The following PRKN variants were observed in gnomAD, a reference collection of about 807,000 sequenced individuals.
PRKN encodes parkin RBR E3 ubiquitin protein ligase.
In PRKN, 56 loss-of-function variants were observed where a neutral mutation model predicts 59.5. That is an observed-to-expected ratio of 0.94 (90% CI 0.76 to 1.18). PRKN has a LOEUF of 1.18. PRKN is among the 50% of genes most tolerant of loss of function. PRKN has a pLI of 0.00. For missense variants in PRKN, 657 were observed against 596.4 expected, an observed-to-expected ratio of 1.10 and a Z score of -1.06; for synonymous variants, 250 against 222.1, an observed-to-expected ratio of 1.13 and a Z score of -1.12.
rs144579242 is a variant in PRKN, at chr6:162,335,326, G to A, written c.172-72561C>T. Among the ~76,000 whole-genome samples, 202 of 152,194 alleles carry A rather than the reference G, an allele frequency of 1.3e-3. 2 individuals carry two copies. The highest frequency in any genetic ancestry group is 4.6e-3 in the African/African-American group (190 of 41,524). On this transcript the variant is annotated intron_variant, in intron 2 of 11. Transcript: ENST00000366898. ...CAAAGTGCTGGGACTACAGGCATGG[G>A]CCACTGCACCTGACCTGTAGGTTGG...
chr6:162,278,266 G>A (rs1780721733), intron 2 of PRKN, among the ~76,000 whole-genome samples: 1 of 152,170 alleles, frequency 6.6e-6, no homozygotes, highest in South Asian at 2.1e-4. Context: ...GAAAATATCA[G>A]TAGTTGCCAG....
intron 5 of PRKN, among the ~76,000 whole-genome samples, chr6:161,996,630 C>T (rs956952680): frequency 7.2e-5 from 11 of 152,010 alleles, no homozygotes; most frequent in African/African-American, 2.7e-4. Context: ...GAATAGCAGA[C>T]TCTCTATTTG....
At chr6:161,863,019 C>A (rs1793969810) in intron 6 of PRKN, among the ~76,000 whole-genome samples, 1 of 152,070 alleles carries the variant, frequency 6.6e-6, no homozygotes, top group African/African-American at 2.4e-5. Context: ...ACATAAAGAT[C>A]AAGAAGAATC....
Position 162,056,450 on chromosome 6 carries a change from C to T in PRKN, c.535-2276G>A, listed in dbSNP as rs1777871629. 6.6e-6 allele frequency among the ~76,000 whole-genome samples: 1 copy of T among 152,188 alleles called. No homozygotes were observed. Among genetic ancestry groups the T allele is most frequent in the South Asian group, 2.1e-4 (1 of 4,826 alleles). On this transcript the variant is annotated intron_variant, in intron 4 of 11. Coordinates refer to ENST00000366898, the MANE Select transcript of PRKN (RefSeq NM_004562.3). This position sits in a 1 kb window ranked among gnomAD's most constrained non-coding sequence, Gnocchi z 4.9. ...GCAGTTCTCCAGGCCTGAGCCGTAC[C>T]TGAAAGAGACTGAGCCTTTTGACGG...
chr6:162,487,405 C>A (rs922896447), intron 1 of PRKN, among the ~76,000 whole-genome samples: 7 of 152,140 alleles, frequency 4.6e-5, no homozygotes, highest in African/African-American at 1.7e-4. Flanking sequence ...GTGTATCTCC[C>A]AGGCACAAGC....
At chr6:161,808,700 A>G (rs910157191) in intron 6 of PRKN, among the ~76,000 whole-genome samples, 5 of 152,066 alleles carry the variant, frequency 3.3e-5, no homozygotes, top group African/African-American at 9.7e-5. Context: ...ACACTCTCCA[A>G]TTTTCAAACC....
intron 6 of PRKN, among the ~76,000 whole-genome samples, chr6:161,935,894 C>T (rs905119350): frequency 6.6e-6 from 1 of 152,114 alleles, no homozygotes; most frequent in Non-Finnish European, 1.5e-5. Flanking sequence ...CAAACAATAG[C>T]CAATGCCATA....
intron 2 of PRKN, among the ~76,000 whole-genome samples, chr6:162,425,119 C>T (rs766918073): frequency 6.6e-6 from 1 of 152,038 alleles, no homozygotes; most frequent in Non-Finnish European, 1.5e-5. Flanking sequence ...TGACCTGATA[C>T]TAGACCTTAC....
chr6:162,618,971 A>G lies in PRKN; in HGVS notation c.7+108691T>C, dbSNP rs148041746. On this transcript the variant is annotated intron_variant, in intron 1 of 11. Transcript: ENST00000366898. ...ACAGGATTCTCTGCATAGTGACACTAGCATCTATAATACCTAGATTTTAGT... is the reference window on the plus strand; with the variant it reads ...ACAGGATTCTCTGCATAGTGACACTGGCATCTATAATACCTAGATTTTAGT... Among the ~76,000 whole-genome samples, 875 of 152,280 alleles carry G rather than the reference A, an allele frequency of 5.7e-3. 5 individuals carry two copies. The highest frequency in any genetic ancestry group is 0.017 in the Middle Eastern group (5 of 294).
rs142555403 is a variant in PRKN at position 162,304,879 on chromosome 6, A to G, written c.172-42114T>C. Among the ~76,000 whole-genome samples, 485 of 138,984 alleles carry G rather than the reference A, an allele frequency of 3.5e-3. 16 individuals are homozygous for G. The East Asian group carries it at 0.074, about 21-fold the overall frequency. The allele number at this position is 138,984 out of a possible 152,430, so 91.2% of individuals were successfully genotyped here. ...TTGTTTAACTCAAGTGAAAATGGAAATCCAGGTTTTTAGATGTAATCAAAC... is the reference window on the plus strand; with the variant it reads ...TTGTTTAACTCAAGTGAAAATGGAAGTCCAGGTTTTTAGATGTAATCAAAC... On this transcript the variant is annotated intron_variant, in intron 2 of 11. Transcript: ENST00000366898.
intron 1 of PRKN, among the ~76,000 whole-genome samples, chr6:162,454,279 T>G (rs1790758823): frequency 6.6e-6 from 1 of 152,202 alleles, no homozygotes; most frequent in Non-Finnish European, 1.5e-5. Flanking sequence ...TTTCTTTAAA[T>G]AAGAAAAGTG....
Position 162,607,987 on chromosome 6 carries a change from T to C in PRKN, c.7+119675A>G, listed in dbSNP as rs1190125777. 3.3e-5 allele frequency among the ~76,000 whole-genome samples: 5 copies of C among 152,204 alleles called. No individual in the cohort carries two copies. In the East Asian group the frequency reaches 7.7e-4, roughly 23 times the overall value. On this transcript the variant is annotated intron_variant, in intron 1 of 11. Coordinates refer to ENST00000366898, the MANE Select transcript of PRKN (RefSeq NM_004562.3). ...TGAAGCTGGTGTTCAAACATTAACA[T>C]AGAGCCAATTTGTCCTCTTGGGCGT...
At chr6:161,659,811 G>A (rs190761629) in intron 7 of PRKN, among the ~76,000 whole-genome samples, 5 of 152,076 alleles carry the variant, frequency 3.3e-5, no homozygotes, top group Non-Finnish European at 4.4e-5. Context: ...AGAAGGAGGC[G>A]GTGACTCAGG....
intron 6 of PRKN, among the ~76,000 whole-genome samples, chr6:161,941,843 A>G (rs1779580114): frequency 6.6e-6 from 1 of 152,186 alleles, no homozygotes; most frequent in Non-Finnish European, 1.5e-5. Context: ...GCTGGAGACC[A>G]TAATAAAGAG....
chr6:161,770,465 T>C (rs1448468239), intron 7 of PRKN, among the ~76,000 whole-genome samples: 1 of 151,888 alleles, frequency 6.6e-6, no homozygotes, highest in Non-Finnish European at 1.5e-5. Flanking sequence ...TATTTATTTA[T>C]TTATTTATTT....
intron 5 of PRKN, among the ~76,000 whole-genome samples, chr6:162,021,459 ATATTTTTTTT>A (rs1457875597): frequency 4.0e-3 from 135 of 33,898 alleles, no homozygotes; most frequent in South Asian, 0.037. Flanking sequence ...ATATATATAT[ATATTTTTTTT>A]TTTTTTTTCC....
At chr6:162,297,181 T>A (rs945853742) in intron 2 of PRKN, among the ~76,000 whole-genome samples, 1 of 151,498 alleles carries the variant, frequency 6.6e-6, no homozygotes, top group Admixed American at 6.6e-5. Context: ...TTTCTTTTTT[T>A]TTTTTTTTGT....
At chr6:162,469,375 T>A (rs1222746896) in intron 1 of PRKN, among the ~76,000 whole-genome samples, 2 of 149,342 alleles carry the variant, frequency 1.3e-5, no homozygotes, top group Non-Finnish European at 3.0e-5. Context: ...ACAGAGGAAG[T>A]CATTCTACAA....
At chr6:161,980,024 ATTTG>A in intron 5 of PRKN, among the ~76,000 whole-genome samples, 1 of 152,204 alleles carries the variant, frequency 6.6e-6, no homozygotes, top group Non-Finnish European at 1.5e-5. Flanking sequence ...CCCAAATACA[ATTTG>A]ATAGATTTCA....
Sources: allele counts gnomAD v4.1 joint callset (sites outside exome capture counted in the v4.1 genomes callset), GRCh38; gene constraint gnomAD v4.1.1; non-coding constraint Gnocchi (gnomAD v3.1); transcripts MANE v1.5; gene names NCBI Gene and HGNC (gene_info 2026-07-23, HGNC 2026-07-21).